The following UBE2E2 variants were observed in gnomAD, a reference collection of about 807,000 sequenced individuals.
UBE2E2 encodes ubiquitin conjugating enzyme E2 E2.
Under a neutral mutation model 24.7 loss-of-function variants are expected in UBE2E2, and 6 were observed. The observed-to-expected ratio is 0.24, with a 90% CI of 0.13 to 0.48. The LOEUF is 0.48. Ranked by LOEUF, UBE2E2 falls within the 20% of genes least tolerant of loss-of-function variation. UBE2E2 has a pLI of 0.99. For missense variants in UBE2E2, 169 were observed against 245.0 expected (o/e 0.69, Z 2.07); for synonymous variants, 104 against 83.6 (o/e 1.24, Z -1.33).
intron 3 of UBE2E2, among the ~76,000 whole-genome samples, chr3:23,416,836 C>G (rs1697647706): frequency 6.6e-6 from 1 of 152,040 alleles, no homozygotes; most frequent in Non-Finnish European, 1.5e-5. Flanking sequence ...TCTGCTTGAT[C>G]AATTCGGCTA....
At chr3:23,243,281 A>C (rs1697305052) in intron 3 of UBE2E2, among the ~76,000 whole-genome samples, 1 of 152,178 alleles carries the variant, frequency 6.6e-6, no homozygotes, top group Admixed American at 6.5e-5. Flanking sequence ...ACTACTACTA[A>C]TACCATTATT....
chr3:23,203,768 C>T (rs1696041482), intron 1 of UBE2E2, among the ~76,000 whole-genome samples: 1 of 150,632 alleles, frequency 6.6e-6, no homozygotes, highest in South Asian at 2.2e-4. Flanking sequence ...TCAACCCTCC[C>T]AGCGCTTTCC....
Position 23,267,238 on chromosome 3 carries a change from A to G in UBE2E2, c.227+49926A>G, listed in dbSNP as rs1238325107. Among the ~76,000 whole-genome samples, 5 of 151,414 alleles carry G rather than the reference A, an allele frequency of 3.3e-5. No individual in the cohort carries two copies. The South Asian group carries it at 1.1e-3, about 32-fold the overall frequency. On this transcript the variant is annotated intron_variant, in intron 3 of 5. Transcript: ENST00000396703. ...ACTGAAGGAAATAGAGACACAAAAA[A>G]CCCTTCAAAAAATAAATGAATCCAG...
chr3:23,559,930 C>T (rs1455755146), intron 5 of UBE2E2, among the ~76,000 whole-genome samples: 2 of 152,038 alleles, frequency 1.3e-5, no homozygotes, highest in Non-Finnish European at 2.9e-5. Context: ...TAAAAATATA[C>T]CTCATGCACA....
chr3:23,478,516 A>G (rs888671915), intron 3 of UBE2E2, among the ~76,000 whole-genome samples: 1 of 152,254 alleles, frequency 6.6e-6, no homozygotes, highest in East Asian at 1.9e-4. Flanking sequence ...AACAAGTTCA[A>G]TATAAGTCAG....
At chr3:23,328,188 T>C (rs1403773175) in intron 3 of UBE2E2, among the ~76,000 whole-genome samples, 1 of 152,180 alleles carries the variant, frequency 6.6e-6, no homozygotes, top group Non-Finnish European at 1.5e-5. Flanking sequence ...GCAGTAATCT[T>C]GACAAGCAAA....
chr3:23,289,835 G>C (rs1301988385), intron 3 of UBE2E2, among the ~76,000 whole-genome samples: 1 of 152,208 alleles, frequency 6.6e-6, no homozygotes, highest in Non-Finnish European at 1.5e-5. Context: ...GTTGTGGTAA[G>C]TTGTTTTATT....
At chr3:23,352,668 C>T (rs1426524868) in intron 3 of UBE2E2, among the ~76,000 whole-genome samples, 1 of 152,156 alleles carries the variant, frequency 6.6e-6, no homozygotes, top group Non-Finnish European at 1.5e-5. Context: ...CATACACCCT[C>T]CCAAGACTAA....
intron 3 of UBE2E2, among the ~76,000 whole-genome samples, chr3:23,366,124 A>C (rs1402261554): frequency 6.6e-6 from 1 of 152,238 alleles, no homozygotes; most frequent in Non-Finnish European, 1.5e-5. Flanking sequence ...ATACCATCTC[A>C]CACCAGTCAG....
intron 5 of UBE2E2, among the ~76,000 whole-genome samples, chr3:23,551,506 T>C (rs553760276): frequency 1.3e-5 from 2 of 152,236 alleles, no homozygotes; most frequent in Non-Finnish European, 2.9e-5. Context: ...TTGGGGCTAC[T>C]ATCATTACTG....
At position 23,241,250 on chromosome 3, in the gene UBE2E2, T is replaced by G. The variant is rs1316819291; in HGVS notation, c.227+23938T>G. On this transcript the variant is annotated intron_variant, in intron 3 of 5. Coordinates refer to ENST00000396703, the MANE Select transcript of UBE2E2 (RefSeq NM_152653.4). ...TCTAGAGTCTAATCACTTCCCACTTTCTCCATTGTTACTATTATGGTCCAA... is the reference window on the plus strand; with the variant it reads ...TCTAGAGTCTAATCACTTCCCACTTGCTCCATTGTTACTATTATGGTCCAA... 3.3e-5 allele frequency among the ~76,000 whole-genome samples: 5 copies of G among 152,316 alleles called. No individual in the cohort carries two copies. The South Asian group carries it at 6.2e-4, about 19-fold the overall frequency.
intron 3 of UBE2E2, among the ~76,000 whole-genome samples, chr3:23,273,263 G>C (rs913714967): frequency 3.3e-5 from 5 of 152,174 alleles, no homozygotes; most frequent in Non-Finnish European, 5.9e-5. Flanking sequence ...GATGGGGCCG[G>C]GCGCAGTGGC....
At chr3:23,328,462 A>C (rs892539098) in intron 3 of UBE2E2, among the ~76,000 whole-genome samples, 1 of 152,210 alleles carries the variant, frequency 6.6e-6, no homozygotes, top group Non-Finnish European at 1.5e-5. Flanking sequence ...ATTTTGCCCA[A>C]CTGTAGGCTA....
intron 3 of UBE2E2, among the ~76,000 whole-genome samples, chr3:23,351,639 G>A (rs577827630): frequency 9.3e-4 from 141 of 152,156 alleles, no homozygotes; most frequent in African/African-American, 3.2e-3. Context: ...GACAAAGAAG[G>A]CCATTACATA....
At chr3:23,386,393 C>T (rs1221163552) in intron 3 of UBE2E2, among the ~76,000 whole-genome samples, 1 of 152,132 alleles carries the variant, frequency 6.6e-6, no homozygotes, top group Non-Finnish European at 1.5e-5. Context: ...CCTCCGAATG[C>T]AATCAGGTTG....
intron 3 of UBE2E2, among the ~76,000 whole-genome samples, chr3:23,398,413 T>G (rs1333328953): frequency 1.3e-5 from 2 of 152,114 alleles, no homozygotes; most frequent in Admixed American, 6.5e-5. Context: ...TCTCATCATC[T>G]TGGTCTTTTT....
chr3:23,354,442 G>C (rs1477498364), intron 3 of UBE2E2, among the ~76,000 whole-genome samples: 13 of 152,132 alleles, frequency 8.5e-5, no homozygotes, highest in Admixed American at 8.5e-4. Context: ...AGAGTGAACA[G>C]GCAACCTGCA....
At chr3:23,362,142 C>G (rs1268509564) in intron 3 of UBE2E2, among the ~76,000 whole-genome samples, 1 of 152,102 alleles carries the variant, frequency 6.6e-6, no homozygotes, top group Non-Finnish European at 1.5e-5. Flanking sequence ...TAACCCTGAC[C>G]CTGTAGGCTG....
chr3:23,226,944 A>G (rs1437141915), intron 3 of UBE2E2, among the ~76,000 whole-genome samples: 1 of 151,788 alleles, frequency 6.6e-6, no homozygotes. Flanking sequence ...AAGTTATATA[A>G]GACCTGGTGA....
Sources: allele counts gnomAD v4.1 joint callset (sites outside exome capture counted in the v4.1 genomes callset), GRCh38; gene constraint gnomAD v4.1.1; transcripts MANE v1.5; gene names NCBI Gene and HGNC (gene_info 2026-07-23, HGNC 2026-07-21).